CHM: variants seen among roughly 807,000 people sequenced by gnomAD.
CHM encodes rab proteins geranylgeranyltransferase component A 1.
In CHM, 10 loss-of-function variants were observed where a neutral mutation model predicts 49.0. The ratio of observed to expected loss-of-function variants is 0.20; its 90% CI spans 0.13 to 0.35. The LOEUF is 0.35. Among genes scored for constraint, CHM ranks in the 10% least tolerant of loss-of-function variants. The probability of loss-of-function intolerance (pLI) is 1.00; values close to 1 mark genes in which losing one functional copy is unlikely to be tolerated. For missense variants in CHM, 455 were observed against 478.4 expected, an observed-to-expected ratio of 0.95 and a Z score of 0.46; for synonymous variants, 184 against 167.5, an observed-to-expected ratio of 1.10 and a Z score of -0.76.
chrX:85,894,132 C>T (rs748939146), intron 12 of CHM, 56 bp downstream of exon 12: 43 of 849,811 alleles, frequency 5.1e-5, no homozygotes, highest in African/African-American at 4.4e-4. Context: ...GTAATAACTG[C>T]CCCCTTTACC....
chrX:85,904,372 A>G (rs1428160863), intron 9 of CHM, among the ~76,000 whole-genome samples: 1 of 111,615 alleles, frequency 9.0e-6, no homozygotes, highest in Admixed American at 9.6e-5. Flanking sequence ...ACAAATCACA[A>G]GTTATTCAGT....
chrX:85,908,850 T>C (rs1377057742), intron 9 of CHM, among the ~76,000 whole-genome samples: 1 of 111,798 alleles, frequency 8.9e-6, no homozygotes, highest in Non-Finnish European at 1.9e-5. Context: ...CTTCTTTAAA[T>C]TTCTCACTGG....
At chrX:85,949,295 C>G (rs5968734) in intron 8 of CHM, among the ~76,000 whole-genome samples, 2 of 111,427 alleles carry the variant, frequency 1.8e-5, no homozygotes, top group East Asian at 5.7e-4. Flanking sequence ...AAACAAAATG[C>G]ATTTTTTAAT....
rs1487188345 is a variant in CHM at position 85,871,320 on chromosome X, A to AAAAAAAAAAAAAAAAAAAAAAAAAAAG, written c.1770+1731_1770+1732insCTTTTTTTTTTTTTTTTTTTTTTTTTT. 6.8e-5 allele frequency among the ~76,000 whole-genome samples: 7 copies of AAAAAAAAAAAAAAAAAAAAAAAAAAAG among 102,983 alleles called. 1 individual carries two copies. The highest frequency in any genetic ancestry group is 1.5e-4 in the African/African-American group (4 of 26,397). The allele number at this position is 102,983 out of a possible 115,157, so 89.4% of individuals were successfully genotyped here. A position where few individuals can be genotyped will look rare whatever the true frequency, so the allele number is the denominator to read the frequency against. On this transcript the variant is annotated intron_variant, in intron 14 of 14. Transcript: ENST00000357749. ...AGACTGTCTCAAAAAAAAAAAAAAAAAAGAAGAAATCTGCATGGGCTTGTG... is the reference window on the plus strand; with the variant it reads ...AGACTGTCTCAAAAAAAAAAAAAAAAAAAAAAAAAAAAAAAAAAAAAAAAAAGAAGAAGAAATCTGCATGGGCTTGTG...
chrX:85,924,229 T>C lies in CHM; in HGVS notation c.1167-12891A>G, dbSNP rs1461471371. The stretch of plus-strand genomic sequence containing the variant: ...GAGGGGAGGCCAGTTATGTCTGCCA[T>C]AAACCAAGTAAGAGAAGATGGTGAC... On this transcript the variant is annotated intron_variant, in intron 8 of 14. Transcript: ENST00000357749. Among the ~76,000 whole-genome samples, 4 of 111,080 alleles carry C rather than the reference T, an allele frequency of 3.6e-5. No homozygotes were observed. The Admixed American group carries it at 3.9e-4, about 11-fold the overall frequency.
At chrX:86,045,894 A>C (rs1247805609) in intron 1 of CHM, among the ~76,000 whole-genome samples, 1 of 112,505 alleles carries the variant, frequency 8.9e-6, no homozygotes, top group Admixed American at 9.4e-5. Context: ...TGCTGTTCTC[A>C]GTTTTAGTAT....
At chrX:86,042,217 C>T (rs1426928189) in intron 1 of CHM, among the ~76,000 whole-genome samples, 1 of 111,300 alleles carries the variant, frequency 9.0e-6, no homozygotes, top group African/African-American at 3.3e-5. Context: ...CAAGGAAAGG[C>T]TACTTAAGTG....
chrX:85,894,104 A>C, intron 12 of CHM, 84 bp downstream of exon 12: 1 of 688,318 alleles, frequency 1.5e-6, no homozygotes, highest in Non-Finnish European at 2.3e-6. Flanking sequence ...AATCTCTACA[A>C]ATACAACCTT....
At chrX:85,996,366 ATTGAC>A (rs1455108618) in intron 2 of CHM, among the ~76,000 whole-genome samples, 1 of 112,224 alleles carries the variant, frequency 8.9e-6, no homozygotes, top group Non-Finnish European at 1.9e-5. Context: ...ATAGCATAAA[ATTGAC>A]TTGACGAATA....
chrX:85,908,616 G>A (rs1295437063), intron 9 of CHM, among the ~76,000 whole-genome samples: 1 of 111,127 alleles, frequency 9.0e-6, no homozygotes, highest in Non-Finnish European at 1.9e-5. Flanking sequence ...TTAAAAACTG[G>A]CAAGTTACAG....
rs192799522 is a variant in CHM, at chrX:85,984,521, T to C, written c.117-2712A>G. 1.3e-3 allele frequency among the ~76,000 whole-genome samples: 145 copies of C among 112,013 alleles called. 1 individual carries two copies. The highest frequency in any genetic ancestry group is 1.3e-3 in the Non-Finnish European group (68 of 53,241). On this transcript the variant is annotated intron_variant, in intron 2 of 14. Transcript: ENST00000357749. Reference sequence around the variant, plus strand: ...ATATTTTGGTGAACATACAAAATGGTACAAGCACTTTCTAATATCTGGTAG... The same window carrying C: ...ATATTTTGGTGAACATACAAAATGGCACAAGCACTTTCTAATATCTGGTAG...
chrX:85,982,247 G>A (rs1336695739), intron 2 of CHM, among the ~76,000 whole-genome samples: 1 of 103,935 alleles, frequency 9.6e-6, no homozygotes, highest in Non-Finnish European at 2.0e-5. Flanking sequence ...CACCACCTCC[G>A]CCACCTCCAC....
At chrX:85,900,949 C>A in intron 10 of CHM, 135 bp downstream of exon 10, 1 of 537,030 alleles carries the variant, frequency 1.9e-6, no homozygotes, top group Admixed American at 3.2e-5. Flanking sequence ...TCCCTAAAAC[C>A]AGACCCTGTA....
At chrX:85,922,628 G>A (rs750652494) in intron 8 of CHM, among the ~76,000 whole-genome samples, 13 of 112,219 alleles carry the variant, frequency 1.2e-4, no homozygotes, top group Non-Finnish European at 2.4e-4. Flanking sequence ...GGTATAATGG[G>A]ACACAACTCC....
intron 7 of CHM, 55 bp from the exon 8 acceptor site, chrX:85,956,433 A>T (rs1261704788): frequency 4.3e-5 from 50 of 1,160,686 alleles, no homozygotes; most frequent in Non-Finnish European, 5.5e-5. Context: ...TCTATTTAAA[A>T]CCACCCCACA....
chrX:85,981,206 C>CTATATATATATATATA (rs1284378299), intron 3 of CHM, among the ~76,000 whole-genome samples: 11 of 54,359 alleles, frequency 2.0e-4, no homozygotes, highest in African/African-American at 6.0e-4. Flanking sequence ...ATTTCTATTT[C>CTATATATATATATATA]TATATATATA....
At chrX:86,013,084 C>G (rs980589969) in intron 2 of CHM, among the ~76,000 whole-genome samples, 5 of 111,576 alleles carry the variant, frequency 4.5e-5, no homozygotes, top group Non-Finnish European at 9.4e-5. Context: ...ACACACTCCC[C>G]TATTCTGAGC....
chrX:86,024,691 G>C (rs1019925694), intron 2 of CHM, among the ~76,000 whole-genome samples: 2 of 112,228 alleles, frequency 1.8e-5, no homozygotes, highest in African/African-American at 6.5e-5. Flanking sequence ...GGGGATATAA[G>C]TGAAATTATG....
intron 11 of CHM, among the ~76,000 whole-genome samples, chrX:85,894,996 T>A (rs1035485062): frequency 3.7e-4 from 41 of 111,500 alleles, no homozygotes; most frequent in African/African-American, 1.3e-3. Context: ...AAACTAGAAA[T>A]TCAGAATCAA....
Sources: gnomAD v4.1 joint callset for allele counts (sites outside exome capture counted in the v4.1 genomes callset) on GRCh38, gnomAD v4.1.1 for gene constraint, MANE v1.5 for transcripts, NCBI Gene and HGNC (gene_info 2026-07-23, HGNC 2026-07-21) for gene names.